The following LRP8 variants were observed in gnomAD, a reference collection of about 807,000 sequenced individuals.
LRP8 encodes LDL receptor related protein 8.
A neutral mutation model predicts 111.6 loss-of-function variants in LRP8; 46 were observed. That is an observed-to-expected ratio of 0.41 (90% CI 0.33 to 0.53). The LOEUF (loss-of-function observed/expected upper bound fraction) is 0.53, where lower values mean the gene tolerates loss of function less well. LRP8 is among the 20% of genes least tolerant of loss of function. LRP8 has a pLI of 0.20. For missense variants in LRP8, 959 were observed against 1,297.4 expected (o/e 0.74, Z 4.01); for synonymous variants, 464 against 511.2 (o/e 0.91, Z 1.24).
In LRP8 at chr1:53,264,389, T is replaced by C. The variant is rs1261167086; in HGVS notation, c.1435A>G (p.Met479Val). Residue 479 changes from methionine (M) to valine (V), a missense_variant, in exon 10 of 19, where the codon ATG (methionine) becomes GTG (valine). By Grantham distance (21) the Met-to-Val change is conservative (BLOSUM62 1). Coordinates refer to ENST00000306052, the MANE Select transcript of LRP8 (RefSeq NM_004631.5). The part of the protein sequence containing the change: ...LSYRKIYSAY[M>V]DKASDPKEQE... ...TCTTTCGGGTCACTGGCCTTGTCCATGTAGGCGCTTAAGAGAAAACAGAGA... is the reference window on the plus strand; with the variant it reads ...TCTTTCGGGTCACTGGCCTTGTCCACGTAGGCGCTTAAGAGAAAACAGAGA... The C allele has an allele frequency of 1.2e-6, 2 of 1,613,288 alleles. No homozygotes were observed. The highest frequency in any genetic ancestry group is 1.7e-5 in the Admixed American group (1 of 59,892).
At chr1:53,295,575 A>G (rs1649552985) in intron 2 of LRP8, among the ~76,000 whole-genome samples, 1 of 152,090 alleles carries the variant, frequency 6.6e-6, no homozygotes, top group South Asian at 2.1e-4. Flanking sequence ...GAGGCCATGC[A>G]AGACAGAAAA....
intron 6 of LRP8, among the ~76,000 whole-genome samples, chr1:53,273,303 C>A (rs10788953): frequency 0.38 from 57,961 of 151,980 alleles, 12,039 homozygotes; most frequent in East Asian, 0.76. Context: ...ACCAGCATGC[C>A]CACAACTACA....
rs1645738029 is a variant in LRP8, at chr1:53,246,721, G to T, written c.*297C>A. The T allele has an allele frequency of 7.7e-6, 3 of 389,146 alleles. No individual in the cohort carries two copies. Among genetic ancestry groups the T allele is most frequent in the African/African-American group, 2.1e-5 (1 of 46,684 alleles). 24.1% of individuals were successfully genotyped at this position (389,146 alleles called of 1,614,324 possible). ...GTACTGTGCCATTGGCCCCCATTTG[G>T]TTATGTGCATCATGTTAGTCAGCAG... On this transcript the variant is annotated 3_prime_UTR_variant, in exon 19 of 19. Coordinates refer to ENST00000306052, the MANE Select transcript of LRP8 (RefSeq NM_004631.5).
intron 4 of LRP8, among the ~76,000 whole-genome samples, chr1:53,278,915 ATTT>A (rs530331555): frequency 7.5e-6 from 1 of 133,010 alleles, no homozygotes. Flanking sequence ...CGCCCGGCTA[ATTT>A]TTTTTTTTTT....
Position 53,249,640 on chromosome 1 carries a change from G to A in LRP8, c.2677-84C>T. 1 of 1,455,176 alleles carries A rather than the reference G, an allele frequency of 6.9e-7. No individual in the cohort carries two copies. Among genetic ancestry groups the A allele is most frequent in the Non-Finnish European group, 9.1e-7 (1 of 1,103,376 alleles). 90.1% of individuals were successfully genotyped at this position (1,455,176 alleles called of 1,614,324 possible). A position where few individuals can be genotyped will look rare whatever the true frequency, so the allele number is the denominator to read the frequency against. On this transcript the variant is annotated intron_variant, in intron 17 of 18. Coordinates refer to ENST00000306052, the MANE Select transcript of LRP8 (RefSeq NM_004631.5). The surrounding 1 kb of genome is among the most constrained non-coding windows in gnomAD (Gnocchi z 4.1). ...GCTGTATAACAGTGACACCTGCTGT[G>A]CCACTTTGTGGTCCTCATTCCCCCA...
intron 3 of LRP8, 55 bp downstream of exon 3, chr1:53,289,512 G>C (rs1648234554): frequency 6.4e-7 from 1 of 1,551,928 alleles, no homozygotes; most frequent in Admixed American, 1.8e-5. Context: ...TCTCAAGGAA[G>C]ATCTGAGGAG....
intron 2 of LRP8, among the ~76,000 whole-genome samples, chr1:53,299,137 G>A (rs896884744): frequency 1.3e-5 from 2 of 152,146 alleles, no homozygotes; most frequent in African/African-American, 2.4e-5. Context: ...CTGCCTGTGT[G>A]GAGCGAATGA....
chr1:53,260,416 C>A, intron 13 of LRP8, 48 bp downstream of exon 13: 1 of 1,597,180 alleles, frequency 6.3e-7, no homozygotes, highest in Middle Eastern at 1.9e-4. Context: ...GGAGAGGACA[C>A]AGTGACACAG....
At position 53,289,623 on chromosome 1, in the gene LRP8, T is replaced by C. The variant is rs780991866; in HGVS notation, c.311A>G (p.Lys104Arg). The change falls in exon 3 of 19, where the codon AAG becomes AGG. Residue 104 changes from lysine (K) to arginine (R), a missense_variant. Lys to Arg is a conservative substitution (Grantham distance 26). Coordinates refer to ENST00000306052, the MANE Select transcript of LRP8 (RefSeq NM_004631.5). ...DNGHCIHERWKCDGEEECPDG... is the reference protein window; with the variant it reads ...DNGHCIHERWRCDGEEECPDG... ...AGGACACTCCTCCTCGCCGTCACAC[T>C]TCCACCGTTCGTGGATGCAGTGGCC... The C allele has an allele frequency of 1.2e-6, 2 of 1,613,106 alleles. No individual in the cohort carries two copies. The highest frequency in any genetic ancestry group is 1.7e-6 in the Non-Finnish European group (2 of 1,179,590).
In LRP8 at chr1:53,289,779, C is replaced by T. The variant is rs975115124; in HGVS notation, c.245-90G>A. Reference sequence around the variant, plus strand: ...GATGTGCTTGGTCTGCAAACCAGGCCATGGACTGCCTTGCTGACCAAGGGC... The same window carrying T: ...GATGTGCTTGGTCTGCAAACCAGGCTATGGACTGCCTTGCTGACCAAGGGC... On this transcript the variant is annotated intron_variant, in intron 2 of 18. Transcript: ENST00000306052. 7.1e-6 allele frequency: 11 copies of T among 1,543,790 alleles called. No homozygotes were observed. In the African/African-American group the frequency reaches 1.2e-4, roughly 17 times the overall value.
chr1:53,248,435 T>C (rs924467952), intron 18 of LRP8, among the ~76,000 whole-genome samples: 5 of 152,186 alleles, frequency 3.3e-5, no homozygotes, highest in African/African-American at 1.2e-4. Flanking sequence ...TTGAGAATAT[T>C]GATTTCCAGA....
At position 53,276,645 on chromosome 1, in the gene LRP8, G is replaced by C. The variant is rs1479860494; in HGVS notation, c.883+47C>G. 3.5e-6 allele frequency: 5 copies of C among 1,420,036 alleles called. No individual in the cohort carries two copies. In the East Asian group the frequency reaches 1.2e-4, roughly 35 times the overall value. The allele number at this position is 1,420,036 out of a possible 1,614,324, so 88.0% of individuals were successfully genotyped here. A position where few individuals can be genotyped will look rare whatever the true frequency, so the allele number is the denominator to read the frequency against. On this transcript the variant is annotated intron_variant, in intron 5 of 18. Transcript: ENST00000306052. ...ACCTGGCGGATCCGGATCGGATAGC[G>C]GATCCGCAATCCCTGGGCGGGGCTG...
At chr1:53,248,067 G>C (rs1572411217) in intron 18 of LRP8, among the ~76,000 whole-genome samples, 1 of 152,184 alleles carries the variant, frequency 6.6e-6, no homozygotes. Context: ...CAGGGTTGTT[G>C]AGGAATCAAA....
intron 14 of LRP8, 129 bp from the exon 15 acceptor site, chr1:53,257,593 A>G: frequency 4.4e-6 from 3 of 684,200 alleles, no homozygotes; most frequent in Non-Finnish European, 7.7e-6. Context: ...AGCCTTTCCT[A>G]ATCTCCCCAG....
intron 2 of LRP8, among the ~76,000 whole-genome samples, chr1:53,310,945 G>A (rs1378042728): frequency 6.6e-6 from 1 of 152,150 alleles, no homozygotes; most frequent in African/African-American, 2.4e-5. Flanking sequence ...GTGCCAAATC[G>A]ACCCCGGGTC....
chr1:53,314,406 G>A (rs1230339423), intron 2 of LRP8, among the ~76,000 whole-genome samples: 1 of 152,244 alleles, frequency 6.6e-6, no homozygotes, highest in African/African-American at 2.4e-5. Context: ...CCCCAGAGAG[G>A]ATGGTCCTTA....
chr1:53,255,873 T>C (rs1246750182), intron 15 of LRP8, among the ~76,000 whole-genome samples: 26 of 152,184 alleles, frequency 1.7e-4, no homozygotes, highest in Admixed American at 1.6e-3. Context: ...TTAAATGAAA[T>C]AATTTATCTA....
chr1:53,321,968 G>A (rs1341828586), intron 2 of LRP8, among the ~76,000 whole-genome samples: 2 of 152,122 alleles, frequency 1.3e-5, no homozygotes, highest in Admixed American at 1.3e-4. Context: ...TACGGTGGCT[G>A]GGCAACTCCC....
chr1:53,293,311 GGA>G lies in LRP8; in HGVS notation c.245-3624_245-3623del, dbSNP rs1189111071. On this transcript the variant is annotated intron_variant, in intron 2 of 18. Transcript: ENST00000306052. The surrounding 1 kb of genome is among the most constrained non-coding windows in gnomAD (Gnocchi z 4.9). ...CCCGCCCAGGAAATGGCAGCTGCAG[GGA>G]GAGTGGTGTTTTTGGCAACAGATTC... 6.6e-6 allele frequency among the ~76,000 whole-genome samples: 1 copy of G among 152,206 alleles called. No individual in the cohort carries two copies. The highest frequency in any genetic ancestry group is 1.5e-5 in the Non-Finnish European group (1 of 68,036).
Sources: gnomAD v4.1 joint callset for allele counts (sites outside exome capture counted in the v4.1 genomes callset) on GRCh38, gnomAD v4.1.1 for gene constraint, Gnocchi (gnomAD v3.1) non-coding constraint, MANE v1.5 for transcripts, NCBI Gene and HGNC (gene_info 2026-07-23, HGNC 2026-07-21) for gene names.